HS6ST3: variants seen among roughly 807,000 people sequenced by gnomAD.
HS6ST3 encodes heparan-sulfate 6-O-sulfotransferase 3.
Under a neutral mutation model 36.7 loss-of-function variants are expected in HS6ST3, and 12 were observed. The observed-to-expected ratio is 0.33, with a 90% confidence interval of 0.21 to 0.53. The LOEUF (loss-of-function observed/expected upper bound fraction) is 0.53. HS6ST3 is among the 20% of genes least tolerant of loss of function. The probability of loss-of-function intolerance (pLI) is 0.95; values close to 1 mark genes in which losing one functional copy is unlikely to be tolerated. For synonymous variants in HS6ST3, 240 were observed against 257.5 expected (o/e 0.93, Z 0.65); for missense variants, 584 against 640.9 (o/e 0.91, Z 0.96).
At chr13:96,747,983 A>G (rs567862264) in intron 1 of HS6ST3, among the ~76,000 whole-genome samples, 80 of 152,138 alleles carry the variant, frequency 5.3e-4, no homozygotes, top group Non-Finnish European at 4.9e-4. Context: ...TTTGGCTTTT[A>G]TAAGTGAGAA....
intron 1 of HS6ST3, among the ~76,000 whole-genome samples, chr13:96,628,763 G>A (rs188736438): frequency 6.6e-6 from 1 of 151,870 alleles, no homozygotes; most frequent in Non-Finnish European, 1.5e-5. Context: ...ATTTTGGTTA[G>A]CATTTGTTTG....
At chr13:96,329,173 C>T (rs929956562) in intron 1 of HS6ST3, among the ~76,000 whole-genome samples, 33 of 146,698 alleles carry the variant, frequency 2.2e-4, no homozygotes, top group Non-Finnish European at 2.2e-4. Context: ...TTTTGTGTCT[C>T]TATTTCCTTC....
At chr13:96,514,363 G>A (rs1445845264) in intron 1 of HS6ST3, among the ~76,000 whole-genome samples, 2 of 152,132 alleles carry the variant, frequency 1.3e-5, no homozygotes, top group Non-Finnish European at 2.9e-5. Flanking sequence ...GGTTTTTCTC[G>A]CTCTGATCAT....
At chr13:96,180,392 G>T (rs900725645) in intron 1 of HS6ST3, among the ~76,000 whole-genome samples, 1 of 152,210 alleles carries the variant, frequency 6.6e-6, no homozygotes, top group Non-Finnish European at 1.5e-5. Flanking sequence ...AGGAATTATT[G>T]TTAGAAATCT....
chr13:96,577,018 A>G (rs1329887201), intron 1 of HS6ST3, among the ~76,000 whole-genome samples: 2 of 125,458 alleles, frequency 1.6e-5, no homozygotes, highest in Admixed American at 1.6e-4. Context: ...TTTTTCTTTT[A>G]TTTGTTTTCT....
At chr13:96,122,513 A>G (rs950804282) in intron 1 of HS6ST3, among the ~76,000 whole-genome samples, 3 of 152,162 alleles carry the variant, frequency 2.0e-5, no homozygotes, top group South Asian at 2.1e-4. Context: ...CACTGATGCA[A>G]TGTTAGCTTT....
intron 1 of HS6ST3, among the ~76,000 whole-genome samples, chr13:96,313,444 A>C (rs2054951781): frequency 6.6e-6 from 1 of 151,946 alleles, no homozygotes; most frequent in Non-Finnish European, 1.5e-5. Flanking sequence ...GAAAGAATTA[A>C]TCCCTCCCTT....
chr13:96,706,038 G>C (rs1875414779), intron 1 of HS6ST3, among the ~76,000 whole-genome samples: 1 of 152,186 alleles, frequency 6.6e-6, no homozygotes, highest in Non-Finnish European at 1.5e-5. Context: ...CTTCCTTTTG[G>C]AATAATCCAT....
chr13:96,601,401 G>C (rs1239846801), intron 1 of HS6ST3, among the ~76,000 whole-genome samples: 1 of 151,848 alleles, frequency 6.6e-6, no homozygotes, highest in Non-Finnish European at 1.5e-5. Context: ...ACTTGGTCTA[G>C]TCTTTTGTTG....
chr13:96,488,657 C>A (rs2055928249), intron 1 of HS6ST3, among the ~76,000 whole-genome samples: 1 of 152,078 alleles, frequency 6.6e-6, no homozygotes, highest in South Asian at 2.1e-4. Flanking sequence ...GTGGGTAGAA[C>A]TGGGCCATGA....
chr13:96,122,035 C>G (rs973423494), intron 1 of HS6ST3, among the ~76,000 whole-genome samples: 4 of 151,870 alleles, frequency 2.6e-5, no homozygotes, highest in African/African-American at 4.8e-5. Flanking sequence ...AATTTAGACG[C>G]AATTCCTCTG....
At chr13:96,257,078 T>C (rs1485293595) in intron 1 of HS6ST3, among the ~76,000 whole-genome samples, 1 of 152,210 alleles carries the variant, frequency 6.6e-6, no homozygotes, top group African/African-American at 2.4e-5. Context: ...GACTTATTTC[T>C]GAGGATGGCC....
rs117809001 is a variant in HS6ST3, at chr13:96,128,406, G to A, written c.707+36837G>A. Among the ~76,000 whole-genome samples, 4 of 152,232 alleles carry A rather than the reference G, an allele frequency of 2.6e-5. 1 individual carries two copies. The East Asian group carries it at 7.7e-4, about 29-fold the overall frequency. Reference sequence around the variant, plus strand: ...CATTGAGCTGTGCTGTGTCAGGATGGGTCCAGCATGGGTTGGCTTTAAAGT... The same window carrying A: ...CATTGAGCTGTGCTGTGTCAGGATGAGTCCAGCATGGGTTGGCTTTAAAGT... On this transcript the variant is annotated intron_variant, in intron 1 of 1. Transcript: ENST00000376705.
intron 1 of HS6ST3, among the ~76,000 whole-genome samples, chr13:96,374,924 GT>G (rs1168292209): frequency 6.6e-6 from 1 of 152,060 alleles, no homozygotes; most frequent in Non-Finnish European, 1.5e-5. Context: ...TATCAACTAA[GT>G]AACAAGAAGC....
At chr13:96,644,090 A>G (rs894399020) in intron 1 of HS6ST3, among the ~76,000 whole-genome samples, 13 of 151,966 alleles carry the variant, frequency 8.6e-5, no homozygotes, top group African/African-American at 3.1e-4. Context: ...ACTTCTCACT[A>G]TTAAAAGACT....
intron 1 of HS6ST3, among the ~76,000 whole-genome samples, chr13:96,172,181 A>G (rs2054190625): frequency 6.6e-6 from 1 of 152,232 alleles, no homozygotes; most frequent in Non-Finnish European, 1.5e-5. Flanking sequence ...CTTTGAAATC[A>G]TATTGGACGC....
intron 1 of HS6ST3, among the ~76,000 whole-genome samples, chr13:96,596,636 C>T (rs1375177341): frequency 6.6e-6 from 1 of 151,842 alleles, no homozygotes; most frequent in African/African-American, 2.4e-5. Context: ...CATTTTTTGA[C>T]TTTTTAATAA....
At chr13:96,475,868 T>C (rs1006669193) in intron 1 of HS6ST3, among the ~76,000 whole-genome samples, 20 of 152,178 alleles carry the variant, frequency 1.3e-4, no homozygotes, top group African/African-American at 4.1e-4. Context: ...CTCATGATGA[T>C]TGGATTAACC....
intron 1 of HS6ST3, among the ~76,000 whole-genome samples, chr13:96,369,113 G>C (rs1223298176): frequency 2.0e-5 from 3 of 152,008 alleles, no homozygotes; most frequent in Non-Finnish European, 4.4e-5. Context: ...GGGAGGTTGC[G>C]TACCGATAAT....
Sources: allele counts gnomAD v4.1 joint callset (sites outside exome capture counted in the v4.1 genomes callset), GRCh38; gene constraint gnomAD v4.1.1; transcripts MANE v1.5; gene names NCBI Gene and HGNC (gene_info 2026-07-23, HGNC 2026-07-21).